LBR: variants seen among roughly 807,000 people sequenced by gnomAD.
LBR encodes the protein delta(14)-sterol reductase LBR.
In LBR, 28 loss-of-function variants were observed where a neutral mutation model predicts 74.3. The observed-to-expected ratio is 0.38, with a 90% confidence interval of 0.28 to 0.52. The LOEUF (loss-of-function observed/expected upper bound fraction) is 0.52. LBR is among the 20% of genes least tolerant of loss of function. The pLI is 0.89. For missense variants in LBR, 717 were observed against 760.3 expected (o/e 0.94, Z 0.67); for synonymous variants, 228 against 269.3 (o/e 0.85, Z 1.50).
chr1:225,404,259 CT>C, intron 13 of LBR, 144 bp downstream of exon 13: 1 of 1,041,620 alleles, frequency 9.6e-7, no homozygotes, highest in Non-Finnish European at 1.5e-6. Context: ...GCCAGAGGAG[CT>C]TCTACAGAGG....
intron 7 of LBR, among the ~76,000 whole-genome samples, 172 bp from the exon 8 acceptor site, chr1:225,412,817 T>C (rs966000106): frequency 1.3e-5 from 2 of 152,212 alleles, no homozygotes; most frequent in Non-Finnish European, 2.9e-5. Flanking sequence ...TAATTTTCAA[T>C]ATACATACCA....
intron 7 of LBR, among the ~76,000 whole-genome samples, chr1:225,414,934 A>G (rs541119762): frequency 7.9e-5 from 12 of 152,386 alleles, no homozygotes; most frequent in Admixed American, 7.8e-4. Flanking sequence ...CCCAGAGGAC[A>G]TGAGCAAGGA....
rs779672654 is a variant in LBR at position 225,418,224 on chromosome 1, GTTTA to G, written c.641-48_641-45del. The G allele has an allele frequency of 3.1e-5, 48 of 1,558,762 alleles. No homozygotes were observed. In the African/African-American group the frequency reaches 5.6e-4, roughly 18 times the overall value. ...CATTCGAGGCTCAAATTTCAATCTG[GTTTA>G]TTTATTTAAGAATCATGTTAGATTT... On this transcript the variant is annotated intron_variant, in intron 5 of 13. Transcript: ENST00000272163.
intron 10 of LBR, among the ~76,000 whole-genome samples, chr1:225,407,523 T>C (rs986751089): frequency 2.0e-4 from 31 of 152,172 alleles, no homozygotes; most frequent in African/African-American, 6.5e-4. Context: ...TAAAAGTGCA[T>C]TACTCCCTGG....
At chr1:225,411,672 C>T (rs991887052) in intron 8 of LBR, among the ~76,000 whole-genome samples, 4 of 152,174 alleles carry the variant, frequency 2.6e-5, no homozygotes, top group Non-Finnish European at 4.4e-5. Flanking sequence ...GCCCAGGTTT[C>T]TTAAAAAAGT....
chr1:225,414,549 C>A (rs2096113355), intron 7 of LBR, among the ~76,000 whole-genome samples: 1 of 152,190 alleles, frequency 6.6e-6, no homozygotes, highest in African/African-American at 2.4e-5. Context: ...ATGCCGGACC[C>A]ACAGGGAGCA....
In LBR at chr1:225,424,052, A is replaced by G. The variant is rs377500704; in HGVS notation, c.24T>C (p.Asp8=). 17 of 1,614,198 alleles carry G rather than the reference A, an allele frequency of 1.1e-5. 1 individual carries two copies. The highest frequency in any genetic ancestry group is 1.6e-4 in the Middle Eastern group (1 of 6,062). MPSRKFA[D]GEVVRGRWPG... ...GCCATCGACCTCTTACCACTTCACC[A>G]TCGGCAAATTTCCTACTTGGCATTT... Residue 8 remains aspartate, a synonymous_variant, in exon 2 of 14, where the codon GAT becomes GAC. Coordinates refer to ENST00000272163, the MANE Select transcript of LBR (RefSeq NM_002296.4).
At chr1:225,406,109 G>C (rs1023254096) in intron 11 of LBR, among the ~76,000 whole-genome samples, 1 of 152,114 alleles carries the variant, frequency 6.6e-6, no homozygotes, top group Non-Finnish European at 1.5e-5. Context: ...GCTGTTCCCA[G>C]TGCCTGACTT....
rs1261705274 is a variant in LBR at position 225,401,658 on chromosome 1, G to A, written c.*1645C>T. 2 of 152,142 alleles carry A rather than the reference G, an allele frequency of 1.3e-5. No homozygotes were observed. Among genetic ancestry groups the A allele is most frequent in the African/African-American group, 2.4e-5 (1 of 41,428 alleles). The allele number at this position is 152,142 out of a possible 1,614,324, so 9.4% of individuals were successfully genotyped here. Reference sequence around the variant, plus strand: ...AGGGCTCTTTTCATTACCAGGGAAAGAATTTAATGTCCTTCCTTCCTCCCC... The same window carrying A: ...AGGGCTCTTTTCATTACCAGGGAAAAAATTTAATGTCCTTCCTTCCTCCCC... On this transcript the variant is annotated 3_prime_UTR_variant, in exon 14 of 14. Coordinates refer to ENST00000272163, the MANE Select transcript of LBR (RefSeq NM_002296.4).
intron 1 of LBR, among the ~76,000 whole-genome samples, chr1:225,424,425 T>C (rs2096135227): frequency 6.6e-6 from 1 of 152,266 alleles, no homozygotes; most frequent in Non-Finnish European, 1.5e-5. Flanking sequence ...TTTGTAAATT[T>C]GCGTATCAAT....
chr1:225,420,485 A>G (rs981375584), intron 3 of LBR, among the ~76,000 whole-genome samples: 2 of 152,200 alleles, frequency 1.3e-5, no homozygotes, highest in African/African-American at 4.8e-5. Flanking sequence ...GCTCCAAAAT[A>G]GCCCATAATG....
chr1:225,419,673 G>GAAAA, intron 4 of LBR, 42 bp downstream of exon 4: 2 of 1,137,268 alleles, frequency 1.8e-6, no homozygotes, highest in Non-Finnish European at 2.4e-6. Flanking sequence ...CCAAAAAAAA[G>GAAAA]AAAAAAAAAA....
At chr1:225,406,320 A>G (rs2096091466) in intron 11 of LBR, among the ~76,000 whole-genome samples, 1 of 152,212 alleles carries the variant, frequency 6.6e-6, no homozygotes, top group South Asian at 2.1e-4. Context: ...AGCTCTATGA[A>G]GGCAAGACAA....
At position 225,402,158 on chromosome 1, in the gene LBR, T is replaced by C. The variant is rs2096082954; in HGVS notation, c.*1145A>G. 6.6e-6 allele frequency: 1 copy of C among 152,238 alleles called. No homozygotes were observed. The highest frequency in any genetic ancestry group is 2.4e-5 in the African/African-American group (1 of 41,468). The allele number at this position is 152,238 out of a possible 1,614,324, so 9.4% of individuals were successfully genotyped here. On this transcript the variant is annotated 3_prime_UTR_variant, in exon 14 of 14. Coordinates refer to ENST00000272163, the MANE Select transcript of LBR (RefSeq NM_002296.4). ...AAAGAAACGACTTTAACCCCTTCAG[T>C]TGTTTTTAAGACAGCACTCCTTTAC...
At chr1:225,406,900 GT>G in intron 10 of LBR, 68 bp from the exon 11 acceptor site, 1 of 1,487,902 alleles carries the variant, frequency 6.7e-7, no homozygotes, top group Non-Finnish European at 9.3e-7. Context: ...TAAAGTACTA[GT>G]TTACAGGCAA....
chr1:225,428,560 C>T (rs2096145937), upstream of LBR: 1 of 152,184 alleles, frequency 6.6e-6, no homozygotes, highest in Non-Finnish European at 1.5e-5. Context: ...CCACAGAAGC[C>T]CCTGGACCAA....
intron 11 of LBR, among the ~76,000 whole-genome samples, 171 bp from the exon 12 acceptor site, chr1:225,404,877 G>A (rs947637811): frequency 2.0e-5 from 3 of 152,148 alleles, no homozygotes; most frequent in African/African-American, 7.2e-5. Context: ...TGGGATTACA[G>A]GCATGAGCCA....
At chr1:225,415,255 G>A in intron 7 of LBR, 23 bp downstream of exon 7, 1 of 1,469,554 alleles carries the variant, frequency 6.8e-7, no homozygotes, top group Non-Finnish European at 9.5e-7. Context: ...TCATCAATTT[G>A]AGTCTTAAAA....
chr1:225,417,829 A>C, intron 6 of LBR, 155 bp downstream of exon 6: 2 of 689,274 alleles, frequency 2.9e-6, no homozygotes, highest in Non-Finnish European at 2.6e-6. Flanking sequence ...CCTTTAAACT[A>C]CTCTAAGGCT....
Sources: allele counts gnomAD v4.1 joint callset (sites outside exome capture counted in the v4.1 genomes callset), GRCh38; gene constraint gnomAD v4.1.1; transcripts MANE v1.5; gene names NCBI Gene and HGNC (gene_info 2026-07-23, HGNC 2026-07-21).